Variants in FAT3 observed in about 807,000 individuals in gnomAD.
FAT3 encodes protocadherin Fat 3.
In FAT3, 95 loss-of-function variants were observed where a neutral mutation model predicts 310.2. The ratio of observed to expected loss-of-function variants is 0.31; its 90% CI spans 0.26 to 0.36. The LOEUF is 0.36. FAT3 is among the 10% of genes least tolerant of loss of function. FAT3 has a pLI of 1.00. For synonymous variants in FAT3, 2,314 were observed against 2,192.9 expected (o/e 1.06, Z -1.54); for missense variants, 5,408 against 5,715.6 (o/e 0.95, Z 1.74).
At chr11:92,455,830 G>A (rs1273419758) in intron 2 of FAT3, among the ~76,000 whole-genome samples, 3 of 152,050 alleles carry the variant, frequency 2.0e-5, no homozygotes, top group African/African-American at 7.2e-5. Flanking sequence ...CACAATAAAT[G>A]TTCATTTCTA....
At chr11:92,570,979 G>C (rs866231444) in intron 3 of FAT3, among the ~76,000 whole-genome samples, 1 of 152,194 alleles carries the variant, frequency 6.6e-6, no homozygotes, top group African/African-American at 2.4e-5. Flanking sequence ...GTCATCTAAT[G>C]AGTGGTCAGT....
chr11:92,823,773 C>T (rs753702733), intron 13 of FAT3, among the ~76,000 whole-genome samples: 1 of 152,100 alleles, frequency 6.6e-6, no homozygotes, highest in Non-Finnish European at 1.5e-5. Flanking sequence ...GGGAATGTGC[C>T]AGTTTTAGTC....
chr11:92,735,312 A>C (rs567294553), intron 4 of FAT3, among the ~76,000 whole-genome samples: 1 of 152,150 alleles, frequency 6.6e-6, no homozygotes, highest in Non-Finnish European at 1.5e-5. Flanking sequence ...TAATCATGGC[A>C]GTTCACATAA....
intron 1 of FAT3, among the ~76,000 whole-genome samples, chr11:92,332,626 G>A (rs1257115011): frequency 6.6e-6 from 1 of 152,078 alleles, no homozygotes; most frequent in Non-Finnish European, 1.5e-5. Flanking sequence ...ACCCATGACT[G>A]TATTCTCTCC....
rs759220476 is a variant in FAT3 at position 92,798,395 on chromosome 11, C to T, written c.5382C>T (p.Ser1794=). 1 of 1,613,102 alleles carries T rather than the reference C, an allele frequency of 6.2e-7. No individual in the cohort carries two copies. Among genetic ancestry groups the T allele is most frequent in the South Asian group, 1.1e-5 (1 of 91,006 alleles). The change falls in exon 10 of 28, where the codon AGC becomes AGT. Residue 1794 remains serine (S), a synonymous_variant. Transcript: ENST00000525166. ...INSIVRSLDN[S]PLVIRATDAD... ...GCATTGTCAGGAGCTTGGATAACAG[C>T]CCACTGGTGATTCGAGCCACAGATG...
Position 92,375,794 on chromosome 11 carries a change from T to C in FAT3, c.3292+20390T>C, listed in dbSNP as rs530809163. Reference sequence around the variant, plus strand: ...TATATTGTGAGATGTTTGGTGACCATCCTTTATGGTATTTTACAACTTAGT... The same window carrying C: ...TATATTGTGAGATGTTTGGTGACCACCCTTTATGGTATTTTACAACTTAGT... On this transcript the variant is annotated intron_variant, in intron 2 of 27. Transcript: ENST00000525166. 4.6e-5 allele frequency among the ~76,000 whole-genome samples: 7 copies of C among 152,288 alleles called. No individual in the cohort carries two copies. The South Asian group carries it at 1.4e-3, about 32-fold the overall frequency.
intron 2 of FAT3, among the ~76,000 whole-genome samples, chr11:92,356,609 C>T (rs143127635): frequency 5.8e-4 from 89 of 152,252 alleles, no homozygotes; most frequent in South Asian, 1.0e-3. Context: ...CTTTTCTTCC[C>T]GTAAGGGCAC....
In FAT3 at chr11:92,891,231, A is replaced by G. The variant is rs150389073; in HGVS notation, c.*118A>G. On this transcript the variant is annotated 3_prime_UTR_variant, in exon 28 of 28. Transcript: ENST00000525166. Reference sequence around the variant, plus strand: ...TGAGAAGGGAATACTGTATTTTTCCACTAGAAACTTCTTCACAAGTCATAC... The same window carrying G: ...TGAGAAGGGAATACTGTATTTTTCCGCTAGAAACTTCTTCACAAGTCATAC... 1 of 1,325,488 alleles carries G rather than the reference A, an allele frequency of 7.5e-7. No individual in the cohort carries two copies. Among genetic ancestry groups the G allele is most frequent in the African/African-American group, 1.5e-5 (1 of 68,566 alleles). 82.1% of individuals were successfully genotyped at this position (1,325,488 alleles called of 1,614,324 possible). A position where few individuals can be genotyped will look rare whatever the true frequency, so the allele number is the denominator to read the frequency against.
chr11:92,553,771 C>T (rs1419403010), intron 3 of FAT3, among the ~76,000 whole-genome samples: 1 of 146,702 alleles, frequency 6.8e-6, no homozygotes, highest in East Asian at 2.0e-4. Flanking sequence ...TTCTCTCTTT[C>T]TTTCTCCTTC....
At chr11:92,404,903 T>C (rs148622375) in intron 2 of FAT3, among the ~76,000 whole-genome samples, 1 of 152,114 alleles carries the variant, frequency 6.6e-6, no homozygotes, top group Non-Finnish European at 1.5e-5. Flanking sequence ...CTCCCGGTTC[T>C]TGGGCCTTCA....
At chr11:92,321,117 G>C (rs1209967771) in intron 1 of FAT3, among the ~76,000 whole-genome samples, 2 of 152,068 alleles carry the variant, frequency 1.3e-5, no homozygotes, top group East Asian at 3.9e-4. Flanking sequence ...TTTAAAGAGA[G>C]AAGAGAATGA....
At chr11:92,726,620 T>C (rs1393438761) in intron 4 of FAT3, among the ~76,000 whole-genome samples, 1 of 152,124 alleles carries the variant, frequency 6.6e-6, no homozygotes, top group Non-Finnish European at 1.5e-5. Flanking sequence ...AAATTTAACA[T>C]GTTGCCAGAA....
chr11:92,338,857 A>G (rs1377442412), intron 1 of FAT3, among the ~76,000 whole-genome samples: 1 of 152,086 alleles, frequency 6.6e-6, no homozygotes, highest in Non-Finnish European at 1.5e-5. Flanking sequence ...ATCCTTAATT[A>G]TCTGTTGTGG....
chr11:92,533,387 G>A (rs1954144061), intron 3 of FAT3, among the ~76,000 whole-genome samples: 1 of 152,092 alleles, frequency 6.6e-6, no homozygotes, highest in Non-Finnish European at 1.5e-5. Context: ...TGGGCTAAGT[G>A]CGAACTAGTG....
intron 1 of FAT3, among the ~76,000 whole-genome samples, chr11:92,305,915 G>T (rs183362350): frequency 6.6e-6 from 1 of 152,204 alleles, no homozygotes; most frequent in East Asian, 1.9e-4. Flanking sequence ...AAATTGAGTA[G>T]TCTGTTAACT....
At chr11:92,679,248 T>A (rs1432383564) in intron 3 of FAT3, among the ~76,000 whole-genome samples, 1 of 152,164 alleles carries the variant, frequency 6.6e-6, no homozygotes, top group Non-Finnish European at 1.5e-5. Flanking sequence ...AGTGCTACAA[T>A]AAACATATGA....
intron 2 of FAT3, among the ~76,000 whole-genome samples, chr11:92,496,982 G>C (rs1484303251): frequency 6.6e-6 from 1 of 152,008 alleles, no homozygotes; most frequent in Non-Finnish European, 1.5e-5. Context: ...TCAACACTCA[G>C]TGCACCCCAG....
chr11:92,772,840 G>A (rs924891068), intron 6 of FAT3, among the ~76,000 whole-genome samples: 3 of 151,864 alleles, frequency 2.0e-5, no homozygotes, highest in Non-Finnish European at 2.9e-5. Context: ...TCAGATTCTA[G>A]TAATTCAGGT....
chr11:92,418,428 A>AC (rs370658531), intron 2 of FAT3, among the ~76,000 whole-genome samples: 3,440 of 62,232 alleles, frequency 0.055, 249 homozygotes, highest in South Asian at 0.069. Context: ...CACCCCCCCC[A>AC]CCCCCCCACA....
Sources: gnomAD v4.1 joint callset for allele counts (sites outside exome capture counted in the v4.1 genomes callset) on GRCh38, gnomAD v4.1.1 for gene constraint, MANE v1.5 for transcripts, NCBI Gene and HGNC (gene_info 2026-07-23, HGNC 2026-07-21) for gene names.